The following CPNE7 variants were observed in gnomAD, a reference collection of about 807,000 sequenced individuals.
The protein encoded by CPNE7 is copine-7.
In CPNE7, 78 loss-of-function variants were observed where a neutral mutation model predicts 66.5. That is an observed-to-expected ratio of 1.17 (90% CI 0.98 to 1.42). CPNE7 has a LOEUF of 1.42. CPNE7 is among the 40% of genes most tolerant of loss of function. The probability of loss-of-function intolerance (pLI) is 0.00; values close to 1 mark genes in which losing one functional copy is unlikely to be tolerated. For synonymous variants in CPNE7, 468 were observed against 336.7 expected, an observed-to-expected ratio of 1.39 and a Z score of -4.27; for missense variants, 1,012 against 776.6, an observed-to-expected ratio of 1.30 and a Z score of -3.60.
intron 14 of CPNE7, among the ~76,000 whole-genome samples, 171 bp from the exon 15 acceptor site, chr16:89,596,313 T>A (rs748198515): frequency 2.6e-5 from 4 of 152,220 alleles, no homozygotes; most frequent in Non-Finnish European, 5.9e-5. Flanking sequence ...TGCAGCCTCA[T>A]GTGGCCGACA....
intron 7 of CPNE7, among the ~76,000 whole-genome samples, chr16:89,586,135 G>T (rs1429056835): frequency 1.3e-5 from 2 of 152,046 alleles, no homozygotes; most frequent in African/African-American, 4.8e-5. Context: ...TGCCACAGAG[G>T]CTGTGAAACC....
chr16:89,592,065 G>C (rs1317145898), intron 13 of CPNE7, among the ~76,000 whole-genome samples: 1 of 146,082 alleles, frequency 6.8e-6, no homozygotes, highest in African/African-American at 2.6e-5. Flanking sequence ...TGGAAGTGTA[G>C]TGGCGCAATC....
intron 2 of CPNE7, among the ~76,000 whole-genome samples, chr16:89,581,461 C>T (rs944521230): frequency 4.6e-5 from 7 of 152,194 alleles, no homozygotes; most frequent in Non-Finnish European, 8.8e-5. Flanking sequence ...AATCACAGCG[C>T]GTGTTCTCCC....
Position 89,595,674 on chromosome 16 carries a change from C to T in CPNE7, c.1539+71C>T, listed in dbSNP as rs901342954. 50 of 1,353,128 alleles carry T rather than the reference C, an allele frequency of 3.7e-5. No homozygotes were observed. In the East Asian group the frequency reaches 5.8e-4, roughly 16 times the overall value. The allele number at this position is 1,353,128 out of a possible 1,614,324, so 83.8% of individuals were successfully genotyped here. A position where few individuals can be genotyped will look rare whatever the true frequency, so the allele number is the denominator to read the frequency against. The stretch of plus-strand genomic sequence containing the variant: ...TGTTCATGTCACTGCCCAAGACCTT[C>T]CCAGGCCAGGCTCACGCCAGTGGAT... On this transcript the variant is annotated intron_variant, in intron 14 of 14. Transcript: ENST00000319518.
chr16:89,583,545 A>G (rs1269591075), intron 2 of CPNE7, 152 bp from the exon 3 acceptor site: 2 of 1,580,732 alleles, frequency 1.3e-6, no homozygotes, highest in Admixed American at 3.7e-5. Flanking sequence ...GAGAGCAGCC[A>G]CAAAGGGGGC....
In CPNE7 at chr16:89,575,856, G is replaced by T; in HGVS notation, c.-42G>T. 1 of 1,177,376 alleles carries T rather than the reference G, an allele frequency of 8.5e-7. No homozygotes were observed. Among genetic ancestry groups the T allele is most frequent in the Non-Finnish European group, 1.0e-6 (1 of 952,956 alleles). The allele number at this position is 1,177,376 out of a possible 1,614,324, so 72.9% of individuals were successfully genotyped here. ...GCGGCGGCGCCGACTCGCGGGCAGC[G>T]GCCCCTCAGTGCGCCCAGCCGGGCC... is the stretch of plus-strand genomic sequence containing the variant. On this transcript the variant is annotated 5_prime_UTR_variant, in exon 1 of 15. Transcript: ENST00000319518.
rs764558077 is a variant in CPNE7, at chr16:89,595,350, C to A, written c.1303-17C>A. 38 of 1,549,878 alleles carry A rather than the reference C, an allele frequency of 2.5e-5. No homozygotes were observed. Among genetic ancestry groups the A allele is most frequent in the Admixed American group, 7.2e-5 (4 of 55,636 alleles). ...ATGGCAGGTGTGGTGTTGCTGATGC[C>A]TTTCCTGTGCCCCCAGCAATACTAC... On this transcript the variant is annotated splice_polypyrimidine_tract_variant and intron_variant, in intron 13 of 14. Transcript: ENST00000319518.
intron 13 of CPNE7, among the ~76,000 whole-genome samples, chr16:89,595,155 T>C (rs891292125): frequency 6.6e-6 from 1 of 152,096 alleles, no homozygotes; most frequent in African/African-American, 2.4e-5. Context: ...TTTCCTGAGC[T>C]GGGCACAGGA....
At chr16:89,595,703 G>A (rs2059244183) in intron 14 of CPNE7, 100 bp downstream of exon 14, 4 of 1,059,082 alleles carry the variant, frequency 3.8e-6, no homozygotes, top group South Asian at 2.8e-5. Context: ...AGTGGATGTG[G>A]CAGGTCCCTT....
chr16:89,585,450 C>A lies in CPNE7; in HGVS notation c.592-14C>A, dbSNP rs560784432. 1.3e-5 allele frequency: 21 copies of A among 1,603,370 alleles called. No individual in the cohort carries two copies. The highest frequency in any genetic ancestry group is 1.8e-5 in the Non-Finnish European group (21 of 1,173,604). ...CCCTGGGCCTCCCCTGAGCCAGCCC[C>A]TCCCGGCCCACAGGTGGTGAAGAAC... On this transcript the variant is annotated splice_polypyrimidine_tract_variant and intron_variant, in intron 5 of 14. Coordinates refer to ENST00000319518, the MANE Select transcript of CPNE7 (RefSeq NM_153636.3).
rs1381246816 is a variant in CPNE7, at chr16:89,583,329, G to A, written c.358-368G>A. The A allele has an allele frequency of 8.0e-6, 8 of 998,198 alleles. No individual in the cohort carries two copies. In the East Asian group the frequency reaches 1.3e-4, roughly 16 times the overall value. The allele number at this position is 998,198 out of a possible 1,614,324, so 61.8% of individuals were successfully genotyped here. On this transcript the variant is annotated intron_variant, in intron 2 of 14. Coordinates refer to ENST00000319518, the MANE Select transcript of CPNE7 (RefSeq NM_153636.3). Reference sequence around the variant, plus strand: ...TCACCTGGGCCTGGAGAGGGTCAGGGCAGCCCTGCTTACCTGTGGAGGGGC... The same window carrying A: ...TCACCTGGGCCTGGAGAGGGTCAGGACAGCCCTGCTTACCTGTGGAGGGGC...
intron 2 of CPNE7, chr16:89,578,894 T>C: frequency 1.2e-6 from 2 of 1,612,046 alleles, no homozygotes; most frequent in Non-Finnish European, 1.7e-6. Flanking sequence ...GTGATGAGAG[T>C]GTCTGTTGAT....
chr16:89,588,233 C>CGTGTCACCCACAGATACACGGCCCCT (rs2059113778), intron 9 of CPNE7, among the ~76,000 whole-genome samples: 1 of 150,594 alleles, frequency 6.6e-6, no homozygotes. Flanking sequence ...ACACGGCCCC[C>CGTGTCACCCACAGATACACGGCCCCT]GTGTCACCCG....
intron 13 of CPNE7, among the ~76,000 whole-genome samples, chr16:89,592,077 C>A (rs2059181694): frequency 6.7e-6 from 1 of 149,358 alleles, no homozygotes; most frequent in Admixed American, 6.7e-5. Context: ...GGCGCAATCT[C>A]CGCTCACTGC....
chr16:89,594,444 T>C (rs983082232), intron 13 of CPNE7, among the ~76,000 whole-genome samples: 5 of 152,102 alleles, frequency 3.3e-5, no homozygotes, highest in African/African-American at 9.6e-5. Flanking sequence ...CCCCTGTTCG[T>C]TTCCAGGACA....
intron 2 of CPNE7, among the ~76,000 whole-genome samples, chr16:89,583,139 T>G (rs1309401959): frequency 6.6e-6 from 1 of 152,202 alleles, no homozygotes; most frequent in African/African-American, 2.4e-5. Flanking sequence ...CCAGTCCACT[T>G]CGAACAATCA....
chr16:89,585,755 G>T lies in CPNE7; in HGVS notation c.750G>T (p.Glu250Asp). 6.5e-7 allele frequency: 1 copy of T among 1,529,022 alleles called. No homozygotes were observed. The allele number at this position is 1,529,022 out of a possible 1,614,324, so 94.7% of individuals were successfully genotyped here. Reference sequence around the variant, plus strand: ...TCGGAGAATTCTCTACCACCTTCGAGGAGATGCAGAAGGCCTTTGAGGAGG... The same window carrying T: ...TCGGAGAATTCTCTACCACCTTCGATGAGATGCAGAAGGCCTTTGAGGAGG... ...DFIGEFSTTF[E>D]EMQKAFEEGQ... The change falls in exon 7 of 15, where the codon GAG becomes GAT. Residue 250 changes from glutamate (E) to aspartate (D), a missense_variant. Coordinates refer to ENST00000319518, the MANE Select transcript of CPNE7 (RefSeq NM_153636.3).
At position 89,584,064 on chromosome 16, in the gene CPNE7, G is replaced by A. The variant is rs191373359; in HGVS notation, c.469G>A (p.Val157Met). The A allele has an allele frequency of 2.8e-5, 45 of 1,612,190 alleles. No homozygotes were observed. Among genetic ancestry groups the A allele is most frequent in the Middle Eastern group, 1.7e-4 (1 of 6,058 alleles). ...GGACATCTCGGGGAACAACGGCTAC[G>A]TGGAGCTCTCCTTCCGGGCCAGGAA... ...AEDISGNNGY[V>M]ELSFRARKLD... The change falls in exon 4 of 15, where the codon GTG (valine) becomes ATG (methionine). Residue 157 changes from valine (V) to methionine (M), a missense_variant. Transcript: ENST00000319518. This position sits in a 1 kb window ranked among gnomAD's most constrained non-coding sequence, Gnocchi z 6.0.
chr16:89,591,223 G>A lies in CPNE7; in HGVS notation c.1265G>A (p.Arg422His), dbSNP rs561146239. ...NVAPIISKVA[R>H]VAAAEESTGK... is the part of the protein sequence containing the mutation. ...GCGCCCATCATCTCCAAGGTGGCACGCGTGGCGGCGGCCGAGGAGAGCACC... is the reference window on the plus strand; with the variant it reads ...GCGCCCATCATCTCCAAGGTGGCACACGTGGCGGCGGCCGAGGAGAGCACC... Residue 422 changes from arginine to histidine, a missense_variant, in exon 13 of 15, where the codon CGC (arginine) becomes CAC (histidine). Arg to His is a conservative substitution (Grantham distance 29). Coordinates refer to ENST00000319518, the MANE Select transcript of CPNE7 (RefSeq NM_153636.3). 56 of 1,588,972 alleles carry A rather than the reference G, an allele frequency of 3.5e-5. No individual in the cohort carries two copies. Among genetic ancestry groups the A allele is most frequent in the Non-Finnish European group, 4.4e-5 (51 of 1,167,700 alleles).
Sources: gnomAD v4.1 joint callset for allele counts (sites outside exome capture counted in the v4.1 genomes callset) on GRCh38, gnomAD v4.1.1 for gene constraint, Gnocchi (gnomAD v3.1) non-coding constraint, MANE v1.5 for transcripts, NCBI Gene and HGNC (gene_info 2026-07-23, HGNC 2026-07-21) for gene names.